The following DAAM1 variants were observed in gnomAD, a reference collection of about 807,000 sequenced individuals.
The protein encoded by DAAM1 is dishevelled associated activator of morphogenesis 1.
A neutral mutation model predicts 130.0 loss-of-function variants in DAAM1; 52 were observed. The observed-to-expected ratio is 0.40, with a 90% CI of 0.32 to 0.50. DAAM1 has a LOEUF of 0.50. DAAM1 is among the 20% of genes least tolerant of loss of function. The pLI, the probability that DAAM1 is intolerant of heterozygous loss-of-function variation, is 0.61. For synonymous variants in DAAM1, 452 were observed against 444.5 expected, an observed-to-expected ratio of 1.02 and a Z score of -0.21; for missense variants, 1,134 against 1,303.8, an observed-to-expected ratio of 0.87 and a Z score of 2.01.
At chr14:59,309,412 G>A (rs1452816069) in intron 3 of DAAM1, among the ~76,000 whole-genome samples, 9 of 152,174 alleles carry the variant, frequency 5.9e-5, no homozygotes, top group Non-Finnish European at 1.0e-4. Context: ...AATTTATAGC[G>A]GCAGCTTGAT....
chr14:59,234,677 G>A (rs1889233728), intron 1 of DAAM1, among the ~76,000 whole-genome samples: 1 of 152,158 alleles, frequency 6.6e-6, no homozygotes, highest in African/African-American at 2.4e-5. Context: ...AACGGGAGTG[G>A]TGAGAGAGGG....
At chr14:59,316,875 AACTACTAAGT>A (rs1428550488) in intron 4 of DAAM1, among the ~76,000 whole-genome samples, 3 of 152,240 alleles carry the variant, frequency 2.0e-5, no homozygotes, top group Admixed American at 6.5e-5. Flanking sequence ...ATAAATGGGG[AACTACTAAGT>A]ACTGTATGGA....
intron 1 of DAAM1, among the ~76,000 whole-genome samples, chr14:59,189,663 GT>G (rs1204026664): frequency 6.6e-6 from 1 of 152,192 alleles, no homozygotes; most frequent in Non-Finnish European, 1.5e-5. Context: ...GGATAATCGG[GT>G]TTACCCAGCT....
intron 4 of DAAM1, among the ~76,000 whole-genome samples, chr14:59,318,215 T>A (rs1451819389): frequency 6.6e-6 from 1 of 151,880 alleles, no homozygotes; most frequent in Admixed American, 6.6e-5. Context: ...GACTGTGAGG[T>A]GAAGTTCAGT....
At chr14:59,211,239 G>A (rs549400250) in intron 1 of DAAM1, among the ~76,000 whole-genome samples, 1 of 152,172 alleles carries the variant, frequency 6.6e-6, no homozygotes, top group African/African-American at 2.4e-5. Context: ...ATAATGAAGT[G>A]TTTCCCAGCA....
intron 1 of DAAM1, among the ~76,000 whole-genome samples, chr14:59,252,167 G>T (rs1881675387): frequency 6.6e-6 from 1 of 152,218 alleles, no homozygotes; most frequent in Admixed American, 6.5e-5. Flanking sequence ...AGGAAAAAGT[G>T]TGAAAGCCAG....
intron 1 of DAAM1, among the ~76,000 whole-genome samples, chr14:59,196,483 C>G (rs1427684157): frequency 1.3e-5 from 2 of 152,188 alleles, no homozygotes; most frequent in African/African-American, 4.8e-5. Flanking sequence ...GTGGCTCACG[C>G]CTGTAATCCC....
chr14:59,355,981 A>T (rs1886465235), intron 20 of DAAM1, among the ~76,000 whole-genome samples: 1 of 152,216 alleles, frequency 6.6e-6, no homozygotes, highest in African/African-American at 2.4e-5. Flanking sequence ...TGCTTCCTAG[A>T]AAGTGTTCAA....
intron 16 of DAAM1, among the ~76,000 whole-genome samples, chr14:59,345,460 G>T (rs1886036087): frequency 6.6e-6 from 1 of 152,224 alleles, no homozygotes; most frequent in Admixed American, 6.5e-5. Flanking sequence ...AAATAGAAGA[G>T]AATGGTATGA....
intron 2 of DAAM1, among the ~76,000 whole-genome samples, chr14:59,270,458 G>A (rs61986048): frequency 0.067 from 10,180 of 152,172 alleles, 434 homozygotes; most frequent in Non-Finnish European, 0.098. Flanking sequence ...TAACCCGGAG[G>A]GAGGAAATTA....
In DAAM1 at chr14:59,371,152, C is replaced by A. The variant is rs1887156968; in HGVS notation, c.*2293C>A. ...TTTAGATTGGTGCTGGTGTAAGTAG[C>A]CACTTTTCTCTCTTGGGTGTGTATT... On this transcript the variant is annotated 3_prime_UTR_variant, in exon 25 of 25. Transcript: ENST00000360909. 1 of 150,500 alleles carries A rather than the reference C, an allele frequency of 6.6e-6. No homozygotes were observed. The allele number at this position is 150,500 out of a possible 1,614,324, so 9.3% of individuals were successfully genotyped here.
chr14:59,368,995 ATGTAAATGTATGTG>A lies in DAAM1; in HGVS notation c.*141_*154del. 4.4e-6 allele frequency: 3 copies of A among 689,524 alleles called. No individual in the cohort carries two copies. In the South Asian group the frequency reaches 5.8e-5, roughly 13 times the overall value. 42.7% of individuals were successfully genotyped at this position (689,524 alleles called of 1,614,324 possible). A position where few individuals can be genotyped will look rare whatever the true frequency, so the allele number is the denominator to read the frequency against. ...TGTGAGTGAATGTGTGAACGTGTGTATGTAAATGTATGTGTGTATATATTAAAAAATGTATATAG... is the reference window on the plus strand; with the variant it reads ...TGTGAGTGAATGTGTGAACGTGTGTATGTATATATTAAAAAATGTATATAG... On this transcript the variant is annotated 3_prime_UTR_variant, in exon 25 of 25. Transcript: ENST00000360909.
At chr14:59,229,280 G>A (rs1315723307) in intron 1 of DAAM1, among the ~76,000 whole-genome samples, 1 of 152,174 alleles carries the variant, frequency 6.6e-6, no homozygotes, top group African/African-American at 2.4e-5. Context: ...AGACCAGTGT[G>A]TCATTTGGCT....
intron 15 of DAAM1, chr14:59,338,491 A>G (rs1195952290): frequency 6.5e-7 from 1 of 1,544,756 alleles, no homozygotes; most frequent in African/African-American, 1.4e-5. Context: ...TTCGTTATCC[A>G]GGGTTTTGTT....
At chr14:59,280,966 C>A (rs1309818071) in intron 2 of DAAM1, among the ~76,000 whole-genome samples, 1 of 152,108 alleles carries the variant, frequency 6.6e-6, no homozygotes, top group South Asian at 2.1e-4. Context: ...CCTCTGTTCC[C>A]TGTTTCCTAT....
At chr14:59,237,670 A>G (rs1422733082) in intron 1 of DAAM1, among the ~76,000 whole-genome samples, 1 of 152,164 alleles carries the variant, frequency 6.6e-6, no homozygotes, top group Non-Finnish European at 1.5e-5. Context: ...TATTGCATCT[A>G]ATAAGACACT....
intron 3 of DAAM1, 114 bp downstream of exon 3, chr14:59,291,420 T>C: frequency 1.2e-6 from 1 of 802,832 alleles, no homozygotes; most frequent in Non-Finnish European, 1.9e-6. Flanking sequence ...CCAGATTGAA[T>C]GTGTTATGTT....
chr14:59,284,624 C>A (rs867070737), intron 2 of DAAM1, among the ~76,000 whole-genome samples: 127 of 151,980 alleles, frequency 8.4e-4, no homozygotes, highest in Middle Eastern at 3.4e-3. Context: ...AAGAAAGAAC[C>A]AAACTGAACT....
rs766041834 is a variant in DAAM1 at position 59,340,175 on chromosome 14, A to C, written c.2070A>C (p.Leu690=). ...GRRAQNCNIL[L]SRLKLSNDEI... ...GAGCTCAGAATTGCAACATCCTTCT[A>C]TCGAGGTATTGTTGATGTTGAATAA... The change falls in exon 16 of 25, where the codon CTA becomes CTC. Residue 690 remains leucine, a synonymous_variant. Transcript: ENST00000360909. The C allele has an allele frequency of 6.2e-7, 1 of 1,612,954 alleles. No homozygotes were observed. Among genetic ancestry groups the C allele is most frequent in the Non-Finnish European group, 8.5e-7 (1 of 1,179,270 alleles).
Sources: gnomAD v4.1 joint callset for allele counts (sites outside exome capture counted in the v4.1 genomes callset) on GRCh38, gnomAD v4.1.1 for gene constraint, MANE v1.5 for transcripts, NCBI Gene and HGNC (gene_info 2026-07-23, HGNC 2026-07-21) for gene names.